CLCN1: variants seen among roughly 807,000 people sequenced by gnomAD.
The protein encoded by CLCN1 is chloride voltage-gated channel 1.
A neutral mutation model predicts 114.5 loss-of-function variants in CLCN1; 100 were observed. The observed-to-expected ratio is 0.87, with a 90% CI of 0.74 to 1.03. The LOEUF is 1.03. CLCN1 is among the 50% of genes least tolerant of loss of function. The pLI, the probability that CLCN1 is intolerant of heterozygous loss-of-function variation, is 0.00. For synonymous variants in CLCN1, 485 were observed against 487.1 expected (o/e 1.00, Z 0.06); for missense variants, 1,188 against 1,250.0 (o/e 0.95, Z 0.75).
chr7:143,320,773 C>T lies in CLCN1; in HGVS notation c.411C>T (p.Tyr137=), dbSNP rs773806167. The T allele has an allele frequency of 1.5e-5, 25 of 1,613,718 alleles. No individual in the cohort carries two copies. Among genetic ancestry groups the T allele is most frequent in the South Asian group, 1.1e-4 (10 of 91,076 alleles). Reference sequence around the variant, plus strand: ...CTCTGGTCAGCTGGAGCATGGACTACGTCAGTGCCAAAAGCCTTCAGGGTA... The same window carrying T: ...CTCTGGTCAGCTGGAGCATGGACTATGTCAGTGCCAAAAGCCTTCAGGGTA... The part of the protein sequence containing the change: ...LMALVSWSMD[Y]VSAKSLQAYK... The change falls in exon 3 of 23, where the codon TAC becomes TAT. Residue 137 remains tyrosine, a synonymous_variant. Coordinates refer to ENST00000343257, the MANE Select transcript of CLCN1 (RefSeq NM_000083.3).
At chr7:143,340,780 G>C (rs561720713) in intron 14 of CLCN1, among the ~76,000 whole-genome samples, 1 of 152,264 alleles carries the variant, frequency 6.6e-6, no homozygotes, top group South Asian at 2.1e-4. Flanking sequence ...TCATCCACCT[G>C]TCTCGGCCTC....
At chr7:143,334,504 A>G (rs10046517) in intron 12 of CLCN1, among the ~76,000 whole-genome samples, 6,253 of 152,280 alleles carry the variant, frequency 0.041, 444 homozygotes, top group African/African-American at 0.14. Flanking sequence ...GTTATTAAGC[A>G]TTTACTATGT....
rs1014782276 is a variant in CLCN1, at chr7:143,331,314, C to T, written c.1062C>T (p.Ile354=). The T allele has an allele frequency of 1.2e-5, 20 of 1,606,604 alleles. No homozygotes were observed. The highest frequency in any genetic ancestry group is 2.2e-5 in the East Asian group (1 of 44,844). Reference sequence around the variant, plus strand: ...AGGAACTACCAGCTTTTGCTGCCATCGGGTCAGTGGGGTTACCTGCTCTGT... The same window carrying T: ...AGGAACTACCAGCTTTTGCTGCCATTGGGTCAGTGGGGTTACCTGCTCTGT... ...DLKELPAFAA[I]GICCGLLGAV... Residue 354 remains isoleucine, a splice_region_variant and synonymous_variant, in exon 9 of 23, where the codon ATC becomes ATT. Transcript: ENST00000343257.
intron 5 of CLCN1, among the ~76,000 whole-genome samples, chr7:143,322,302 A>C (rs1802462176): frequency 6.6e-6 from 1 of 152,092 alleles, no homozygotes; most frequent in South Asian, 2.1e-4. Context: ...CTCTTGCTTG[A>C]ATCTGAGAAA....
chr7:143,332,816 G>A lies in CLCN1; in HGVS notation c.1344G>A (p.Val448=), dbSNP rs1358644372. Reference sequence around the variant, plus strand: ...CTGAGAGCCTGGGCCAGTCAGCTGTGTGGATTCACCCCCGGGTCAACGTTG... The same window carrying A: ...CTGAGAGCCTGGGCCAGTCAGCTGTATGGATTCACCCCCGGGTCAACGTTG... ...GDPESLGQSA[V]WIHPRVNVVI... Residue 448 remains valine (V), a synonymous_variant, in exon 12 of 23, where the codon GTG becomes GTA. Transcript: ENST00000343257. 1 of 1,614,172 alleles carries A rather than the reference G, an allele frequency of 6.2e-7. No individual in the cohort carries two copies. Among genetic ancestry groups the A allele is most frequent in the Admixed American group, 1.7e-5 (1 of 60,022 alleles).
Position 143,321,239 on chromosome 7 carries a change from C to G in CLCN1, c.434-126C>G, listed in dbSNP as rs953366109. On this transcript the variant is annotated intron_variant, in intron 3 of 22. Coordinates refer to ENST00000343257, the MANE Select transcript of CLCN1 (RefSeq NM_000083.3). The surrounding 1 kb of genome is among the most constrained non-coding windows in gnomAD (Gnocchi z 4.2). The stretch of plus-strand genomic sequence containing the variant: ...AGGCTTCCCATGTGTCAAATGAGAG[C>G]AGCACCATCTCAGAAGGGGCACACA... 8.9e-7 allele frequency: 1 copy of G among 1,117,986 alleles called. No individual in the cohort carries two copies. Among genetic ancestry groups the G allele is most frequent in the East Asian group, 2.6e-5 (1 of 39,156 alleles). The allele number at this position is 1,117,986 out of a possible 1,614,324, so 69.3% of individuals were successfully genotyped here.
At chr7:143,320,610 T>TTTGTTTGTTTGTTTG (rs1396971497) in intron 2 of CLCN1, 54 bp from the exon 3 acceptor site, 6 of 1,488,178 alleles carry the variant, frequency 4.0e-6, no homozygotes, top group Non-Finnish European at 5.6e-6. Flanking sequence ...TATATTTTTG[T>TTTGTTTGTTTGTTTG]TTGTTTGTTT....
At chr7:143,327,303 G>A (rs992160771) in intron 7 of CLCN1, among the ~76,000 whole-genome samples, 1 of 152,078 alleles carries the variant, frequency 6.6e-6, no homozygotes, top group East Asian at 1.9e-4. Flanking sequence ...CACACATTGG[G>A]AATATCCAAA....
intron 12 of CLCN1, among the ~76,000 whole-genome samples, chr7:143,338,511 C>T (rs1386996933): frequency 6.6e-6 from 1 of 152,070 alleles, no homozygotes; most frequent in Non-Finnish European, 1.5e-5. Flanking sequence ...CTTGGCCGGG[C>T]GCATCGGCTC....
At chr7:143,322,755 C>T (rs1434055929) in intron 5 of CLCN1, among the ~76,000 whole-genome samples, 2 of 152,232 alleles carry the variant, frequency 1.3e-5, no homozygotes, top group African/African-American at 4.8e-5. Context: ...CTCCTGACCT[C>T]GGGTGATCAC....
rs774171263 is a variant in CLCN1, at chr7:143,316,425, G to C, written c.180+33G>C. ...GCTCTAAGGGGAGAGGGGAGCCATG[G>C]ATGAGGGGAGACAGTGGTGCCAGAG... On this transcript the variant is annotated intron_variant, in intron 1 of 22. Coordinates refer to ENST00000343257, the MANE Select transcript of CLCN1 (RefSeq NM_000083.3). The C allele has an allele frequency of 2.5e-6, 4 of 1,587,762 alleles. No individual in the cohort carries two copies. The African/African-American group carries it at 5.4e-5, about 21-fold the overall frequency.
Position 143,324,523 on chromosome 7 carries a change from G to A in CLCN1, c.853+31G>A, listed in dbSNP as rs183641267. ...TGATTGACCCCCTCCCCCATCAATC[G>A]GCTTGCCTGGCCTGGCTCCCAAAAC... On this transcript the variant is annotated intron_variant, in intron 7 of 22. Coordinates refer to ENST00000343257, the MANE Select transcript of CLCN1 (RefSeq NM_000083.3). This position sits in a 1 kb window ranked among gnomAD's most constrained non-coding sequence, Gnocchi z 4.6. 1.5e-4 allele frequency: 237 copies of A among 1,547,462 alleles called. 1 individual carries two copies. In the African/African-American group the frequency reaches 2.9e-3, roughly 19 times the overall value.
intron 7 of CLCN1, among the ~76,000 whole-genome samples, chr7:143,325,400 G>A (rs1802550785): frequency 6.6e-6 from 1 of 152,200 alleles, no homozygotes; most frequent in African/African-American, 2.4e-5. Flanking sequence ...AAGTGGAGAA[G>A]AGTTTAAAGT....
In CLCN1 at chr7:143,350,745, C is replaced by T. The variant is rs1228109216; in HGVS notation, c.2595+91C>T. 1.1e-6 allele frequency: 1 copy of T among 878,758 alleles called. No individual in the cohort carries two copies. Among genetic ancestry groups the T allele is most frequent in the African/African-American group, 1.7e-5 (1 of 59,928 alleles). The allele number at this position is 878,758 out of a possible 1,614,324, so 54.4% of individuals were successfully genotyped here. ...GGGGACAGAAGGAATATTAGCATCTCAGAAGTCCCCTCAGATTCCCTTCTC... is the reference window on the plus strand; with the variant it reads ...GGGGACAGAAGGAATATTAGCATCTTAGAAGTCCCCTCAGATTCCCTTCTC... On this transcript the variant is annotated intron_variant, in intron 22 of 22. Transcript: ENST00000343257. This position sits in a 1 kb window ranked among gnomAD's most constrained non-coding sequence, Gnocchi z 5.1.
At chr7:143,348,759 C>G (rs575761947) in intron 20 of CLCN1, among the ~76,000 whole-genome samples, 30 of 152,168 alleles carry the variant, frequency 2.0e-4, no homozygotes, top group South Asian at 4.1e-4. Flanking sequence ...GGAGTACACA[C>G]AGAGCTCTGT....
intron 14 of CLCN1, among the ~76,000 whole-genome samples, chr7:143,341,592 ATAATT>A (rs1803075877): frequency 2.1e-5 from 3 of 141,316 alleles, no homozygotes; most frequent in African/African-American, 7.9e-5. Context: ...AATAATAATA[ATAATT>A]TTAAAAAATA....
intron 1 of CLCN1, among the ~76,000 whole-genome samples, chr7:143,318,130 G>A (rs186261937): frequency 1.0e-3 from 157 of 152,198 alleles, no homozygotes; most frequent in Middle Eastern, 6.8e-3. Context: ...CCCACCAGTT[G>A]TCAATATTTT....
rs560679062 is a variant in CLCN1 at position 143,347,982 on chromosome 7, A to G, written c.2403+1033A>G. 7.9e-5 allele frequency among the ~76,000 whole-genome samples: 12 copies of G among 152,314 alleles called. No homozygotes were observed. In the East Asian group the frequency reaches 2.1e-3, roughly 27 times the overall value. ...AAAAATCCATTGGCAACTATTCCAT[A>G]TGGTAAAAGAATGCAGAGTTTGCTG... is the stretch of plus-strand genomic sequence containing the variant. On this transcript the variant is annotated intron_variant, in intron 20 of 22. Coordinates refer to ENST00000343257, the MANE Select transcript of CLCN1 (RefSeq NM_000083.3).
At position 143,316,161 on chromosome 7, in the gene CLCN1, A is replaced by G. The variant is rs1486710176; in HGVS notation, c.-52A>G. ...GAGGCTTAAGGAGCTACACTGGGGG[A>G]AGGACAGGGGCAAGCAGGCCAAGGC... On this transcript the variant is annotated 5_prime_UTR_variant, in exon 1 of 23. Transcript: ENST00000343257. The G allele has an allele frequency of 2.1e-6, 3 of 1,456,958 alleles. No individual in the cohort carries two copies. Among genetic ancestry groups the G allele is most frequent in the Middle Eastern group, 1.7e-4 (1 of 5,774 alleles). 90.3% of individuals were successfully genotyped at this position (1,456,958 alleles called of 1,614,324 possible). A position where few individuals can be genotyped will look rare whatever the true frequency, so the allele number is the denominator to read the frequency against.
Sources: gnomAD v4.1 joint callset for allele counts (sites outside exome capture counted in the v4.1 genomes callset) on GRCh38, gnomAD v4.1.1 for gene constraint, Gnocchi (gnomAD v3.1) non-coding constraint, MANE v1.5 for transcripts, NCBI Gene and HGNC (gene_info 2026-07-23, HGNC 2026-07-21) for gene names.